Variants in ZSCAN5A observed in about 807,000 individuals in gnomAD.
ZSCAN5A encodes zinc finger and SCAN domain containing 5A.
ZSCAN5A carries 12 observed loss-of-function variants against 23.7 expected under a neutral mutation model. That is an observed-to-expected ratio of 0.51 (90% confidence interval 0.32 to 0.82). The LOEUF (loss-of-function observed/expected upper bound fraction) is 0.82, where lower values mean the gene tolerates loss of function less well. Among genes scored for constraint, ZSCAN5A ranks in the 40% least tolerant of loss-of-function variants. The pLI is 0.03. For synonymous variants in ZSCAN5A, 257 were observed against 239.9 expected (o/e 1.07, Z -0.66); for missense variants, 597 against 617.9 (o/e 0.97, Z 0.36).
intron 2 of ZSCAN5A, among the ~76,000 whole-genome samples, chr19:56,305,002 C>A (rs867134858): frequency 6.6e-6 from 1 of 152,150 alleles, no homozygotes; most frequent in African/African-American, 2.4e-5. Context: ...ACTTGCAAGC[C>A]ACTGCCTGAC....
At chr19:56,275,059 C>A (rs1337134006) in intron 2 of ZSCAN5A, among the ~76,000 whole-genome samples, 3 of 152,214 alleles carry the variant, frequency 2.0e-5, no homozygotes, top group Non-Finnish European at 4.4e-5. Flanking sequence ...GGAATTATAT[C>A]AGGGACCACA....
rs553039545 is a variant in ZSCAN5A, at chr19:56,327,504, A to C, written c.-357-11236T>G. Among the ~76,000 whole-genome samples the C allele has an allele frequency of 4.0e-5, 6 of 150,680 alleles. No individual in the cohort carries two copies. In the East Asian group the frequency reaches 1.2e-3, roughly 29 times the overall value. On this transcript the variant is annotated intron_variant, in intron 2 of 6. Transcript: ENST00000587340. ...TTATGTTTTATAATGTACATGTTAA[A>C]TATGTATACCATATAAGTCATACAC...
intron 2 of ZSCAN5A, among the ~76,000 whole-genome samples, chr19:56,257,912 G>A (rs1197568758): frequency 7.4e-6 from 1 of 135,074 alleles, no homozygotes; most frequent in Non-Finnish European, 1.6e-5. Flanking sequence ...CTTAGACACA[G>A]GCGCCGGGAG....
intron 2 of ZSCAN5A, among the ~76,000 whole-genome samples, chr19:56,227,028 A>G (rs919299683): frequency 1.3e-5 from 2 of 152,230 alleles, no homozygotes; most frequent in Non-Finnish European, 2.9e-5. Context: ...GGGCTGGGGT[A>G]GGGGTTGGGA....
chr19:56,272,981 G>C (rs2037963314), intron 2 of ZSCAN5A: 1 of 735,696 alleles, frequency 1.4e-6, no homozygotes, highest in South Asian at 6.2e-5. Context: ...GGAGGCTCTT[G>C]TGGGCTGGAT....
chr19:56,278,894 C>T (rs990474525), intron 2 of ZSCAN5A, among the ~76,000 whole-genome samples: 1 of 152,202 alleles, frequency 6.6e-6, no homozygotes, highest in Admixed American at 6.5e-5. Context: ...CCTTACTCCA[C>T]CTCTTGGCTT....
intron 2 of ZSCAN5A, among the ~76,000 whole-genome samples, chr19:56,308,983 G>A (rs1447692545): frequency 6.6e-6 from 1 of 152,230 alleles, no homozygotes; most frequent in Non-Finnish European, 1.5e-5. Flanking sequence ...GGCTTTTCAG[G>A]TCATATGGTC....
At chr19:56,347,177 T>C (rs776799831) in intron 2 of ZSCAN5A, 1 of 152,106 alleles carries the variant, frequency 6.6e-6, no homozygotes, top group African/African-American at 2.4e-5. Context: ...CTTTTATACT[T>C]TGGTTTAGAA....
chr19:56,256,288 G>A (rs957992549), intron 2 of ZSCAN5A, among the ~76,000 whole-genome samples: 6 of 152,138 alleles, frequency 3.9e-5, no homozygotes, highest in Admixed American at 1.3e-4. Context: ...GACCTCCTGG[G>A]CTCAAGCAAT....
intron 3 of ZSCAN5A, chr19:56,224,459 T>C (rs1356392363): frequency 2.3e-5 from 18 of 772,878 alleles, no homozygotes; most frequent in Non-Finnish European, 3.6e-5. Flanking sequence ...TCCTGAGCGT[T>C]AGAGAACGCT....
At chr19:56,277,787 C>A (rs1310469018) in intron 2 of ZSCAN5A, among the ~76,000 whole-genome samples, 2 of 152,070 alleles carry the variant, frequency 1.3e-5, no homozygotes, top group Middle Eastern at 3.2e-3. Context: ...GGGATGAAAA[C>A]TACCTTTTGG....
intron 2 of ZSCAN5A, among the ~76,000 whole-genome samples, chr19:56,239,124 T>A (rs1352510147): frequency 2.0e-5 from 3 of 152,254 alleles, no homozygotes; most frequent in Non-Finnish European, 4.4e-5. Flanking sequence ...AGGAAGGTAA[T>A]AATTCCCTGG....
At chr19:56,346,365 T>C (rs2041633145) in intron 2 of ZSCAN5A, among the ~76,000 whole-genome samples, 2 of 152,098 alleles carry the variant, frequency 1.3e-5, no homozygotes, top group South Asian at 4.1e-4. Flanking sequence ...CTCAGTTACT[T>C]ATCTAGGGAT....
At chr19:56,324,690 C>T (rs2041416755) in intron 2 of ZSCAN5A, among the ~76,000 whole-genome samples, 1 of 151,714 alleles carries the variant, frequency 6.6e-6, no homozygotes, top group Non-Finnish European at 1.5e-5. Context: ...GATATCTGCC[C>T]TCCCACATTT....
chr19:56,347,323 G>C (rs572254886), intron 2 of ZSCAN5A: 5 of 152,196 alleles, frequency 3.3e-5, no homozygotes, highest in African/African-American at 7.2e-5. Flanking sequence ...TGATAGGCGC[G>C]GGGCTTTGGG....
intron 2 of ZSCAN5A, among the ~76,000 whole-genome samples, chr19:56,255,469 A>C (rs577451271): frequency 7.0e-4 from 107 of 152,100 alleles, no homozygotes; most frequent in Admixed American, 1.4e-3. Flanking sequence ...AACCTGCCTC[A>C]GTGCTCACAG....
At chr19:56,312,011 A>G (rs2041069106) in intron 2 of ZSCAN5A, 1 of 152,244 alleles carries the variant, frequency 6.6e-6, no homozygotes, top group Non-Finnish European at 1.5e-5. Flanking sequence ...ACTTCCTACT[A>G]GCCCAGAAGC....
chr19:56,295,082 T>C (rs959795706), intron 2 of ZSCAN5A: 4 of 152,228 alleles, frequency 2.6e-5, no homozygotes, highest in African/African-American at 4.8e-5. Flanking sequence ...GAAAACGTTC[T>C]AAAATTGTTT....
At chr19:56,363,108 A>G (rs1283077024) in intron 2 of ZSCAN5A, 1 of 152,188 alleles carries the variant, frequency 6.6e-6, no homozygotes, top group Admixed American at 6.5e-5. Context: ...TGCTGTTTAT[A>G]TATTTCAGTG....
Sources: gnomAD v4.1 joint callset for allele counts (sites outside exome capture counted in the v4.1 genomes callset) on GRCh38, gnomAD v4.1.1 for gene constraint, MANE v1.5 for transcripts, NCBI Gene and HGNC (gene_info 2026-07-23, HGNC 2026-07-21) for gene names.